Variants in GRIA4 observed in about 807,000 individuals in gnomAD.
The protein encoded by GRIA4 is glutamate ionotropic receptor AMPA type subunit 4, also known as glutamate receptor 4.
Under a neutral mutation model 104.0 loss-of-function variants are expected in GRIA4, and 34 were observed. That is an observed-to-expected ratio of 0.33 (90% CI 0.25 to 0.44). The LOEUF (loss-of-function observed/expected upper bound fraction) is 0.44. Among genes scored for constraint, GRIA4 ranks in the 20% least tolerant of loss-of-function variants. The pLI, the probability that GRIA4 is intolerant of heterozygous loss-of-function variation, is 1.00. For missense variants in GRIA4, 750 were observed against 1,096.5 expected (o/e 0.68, Z 4.46); for synonymous variants, 386 against 381.9 (o/e 1.01, Z -0.13).
intron 3 of GRIA4, among the ~76,000 whole-genome samples, chr11:105,664,488 A>C (rs1336564041): frequency 6.6e-6 from 1 of 151,816 alleles, no homozygotes. Flanking sequence ...GGAAAATGAC[A>C]TAATTTCATG....
In GRIA4 at chr11:105,760,141, T is replaced by C. The variant is rs557097201; in HGVS notation, c.487+6921T>C. Among the ~76,000 whole-genome samples, 6 of 152,266 alleles carry C rather than the reference T, an allele frequency of 3.9e-5. No homozygotes were observed. In the East Asian group the frequency reaches 1.2e-3, roughly 29 times the overall value. On this transcript the variant is annotated intron_variant, in intron 4 of 16. Coordinates refer to ENST00000282499, the MANE Select transcript of GRIA4 (RefSeq NM_000829.4). ...ATTATTTCAAGAGTGAATTAATGCTTCTTTTGGTTCATTGCTTCCTTGCTT... is the reference window on the plus strand; with the variant it reads ...ATTATTTCAAGAGTGAATTAATGCTCCTTTTGGTTCATTGCTTCCTTGCTT...
intron 3 of GRIA4, among the ~76,000 whole-genome samples, chr11:105,689,981 G>GT (rs1479134543): frequency 2.6e-5 from 4 of 152,206 alleles, no homozygotes; most frequent in Non-Finnish European, 4.4e-5. Context: ...TGGGCCACAA[G>GT]TTTTTAATTA....
At chr11:105,627,349 C>A (rs1950912966) in intron 3 of GRIA4, among the ~76,000 whole-genome samples, 1 of 151,752 alleles carries the variant, frequency 6.6e-6, no homozygotes, top group Non-Finnish European at 1.5e-5. Flanking sequence ...GACAGCACTG[C>A]GAGGCAGGGA....
At chr11:105,853,038 G>A (rs11226866) in intron 4 of GRIA4, among the ~76,000 whole-genome samples, 3 of 125,370 alleles carry the variant, frequency 2.4e-5, no homozygotes, top group East Asian at 4.7e-4. Flanking sequence ...TTTGAGTTTC[G>A]TTGCTAGTGA....
At chr11:105,932,712 C>T (rs1249800000) in intron 13 of GRIA4, among the ~76,000 whole-genome samples, 1 of 152,046 alleles carries the variant, frequency 6.6e-6, no homozygotes, top group Non-Finnish European at 1.5e-5. Flanking sequence ...ATAGGAATCA[C>T]TTCTCTTTAA....
intron 3 of GRIA4, among the ~76,000 whole-genome samples, chr11:105,633,307 C>T (rs1340493668): frequency 1.3e-5 from 2 of 152,152 alleles, no homozygotes; most frequent in Non-Finnish European, 2.9e-5. Flanking sequence ...CATATTTCTA[C>T]ATATTTATTT....
intron 3 of GRIA4, among the ~76,000 whole-genome samples, chr11:105,648,868 G>T (rs990057623): frequency 6.6e-6 from 1 of 152,080 alleles, no homozygotes; most frequent in Non-Finnish European, 1.5e-5. Context: ...AATTACTTTT[G>T]CACCAACCTA....
chr11:105,875,636 T>C (rs1189013529), intron 5 of GRIA4, among the ~76,000 whole-genome samples: 1 of 152,144 alleles, frequency 6.6e-6, no homozygotes, highest in African/African-American at 2.4e-5. Flanking sequence ...CCTGGTTTAG[T>C]CTTGGGAGGG....
At chr11:105,957,443 G>C (rs1799252580) in intron 14 of GRIA4, among the ~76,000 whole-genome samples, 1 of 152,108 alleles carries the variant, frequency 6.6e-6, no homozygotes, top group Admixed American at 6.5e-5. Context: ...TTATTTCTGA[G>C]GGCTCTGTTC....
intron 14 of GRIA4, among the ~76,000 whole-genome samples, chr11:105,955,489 T>C (rs1197039445): frequency 2.0e-5 from 3 of 152,264 alleles, no homozygotes; most frequent in South Asian, 4.1e-4. Context: ...TTCTGTGGTA[T>C]ATATGTACCA....
At chr11:105,948,590 T>TTTTTG in intron 14 of GRIA4, among the ~76,000 whole-genome samples, 3 of 124,642 alleles carry the variant, frequency 2.4e-5, no homozygotes, top group African/African-American at 9.2e-5. Flanking sequence ...TTTTCTTTTC[T>TTTTTG]TTTTGTTTTT....
At chr11:105,805,732 T>C (rs1357303371) in intron 4 of GRIA4, among the ~76,000 whole-genome samples, 1 of 151,872 alleles carries the variant, frequency 6.6e-6, no homozygotes, top group Admixed American at 6.6e-5. Context: ...ATCCCATCCA[T>C]AGACATTTCC....
intron 5 of GRIA4, among the ~76,000 whole-genome samples, chr11:105,886,497 C>A (rs1231278075): frequency 2.7e-5 from 4 of 150,492 alleles, no homozygotes; most frequent in African/African-American, 9.8e-5. Context: ...CCCACCCCCA[C>A]TACCCTTCCC....
In GRIA4 at chr11:105,981,553, T is replaced by TCTCACACACACA. The variant is rs373898605; in HGVS notation, c.*1815_*1816insTCACACACACAC. 1 of 134,020 alleles carries TCTCACACACACA rather than the reference T, an allele frequency of 7.5e-6. No homozygotes were observed. Among genetic ancestry groups the TCTCACACACACA allele is most frequent in the South Asian group, 2.6e-4 (1 of 3,866 alleles). The allele number at this position is 134,020 out of a possible 1,614,324, so 8.3% of individuals were successfully genotyped here. A position where few individuals can be genotyped will look rare whatever the true frequency, so the allele number is the denominator to read the frequency against. ...TAAGAGCAATCTTAAACAGTATAAATCACACACACACACACACACACACAC... is the reference window on the plus strand; with the variant it reads ...TAAGAGCAATCTTAAACAGTATAAATCTCACACACACACACACACACACACACACACACACAC... On this transcript the variant is annotated 3_prime_UTR_variant, in exon 17 of 17. Transcript: ENST00000282499.
chr11:105,823,960 A>T (rs1221204595), intron 4 of GRIA4, among the ~76,000 whole-genome samples: 1 of 152,118 alleles, frequency 6.6e-6, no homozygotes, highest in Admixed American at 6.6e-5. Flanking sequence ...GAATTTGGAC[A>T]TACAGAGACA....
At chr11:105,665,585 G>A (rs1462902159) in intron 3 of GRIA4, among the ~76,000 whole-genome samples, 2 of 151,962 alleles carry the variant, frequency 1.3e-5, no homozygotes, top group Non-Finnish European at 2.9e-5. Context: ...CAGAAAATAG[G>A]AAGCACAGGT....
chr11:105,970,711 G>A (rs1858640901), intron 14 of GRIA4, among the ~76,000 whole-genome samples: 1 of 152,138 alleles, frequency 6.6e-6, no homozygotes, highest in Non-Finnish European at 1.5e-5. Flanking sequence ...TTTCCTAGAA[G>A]AACTGAGGCG....
chr11:105,816,829 T>C (rs150939494), intron 4 of GRIA4, among the ~76,000 whole-genome samples: 2 of 152,042 alleles, frequency 1.3e-5, no homozygotes, highest in East Asian at 3.9e-4. Context: ...CTGGGCAACT[T>C]AGTGAGACCC....
chr11:105,769,667 C>T (rs1364115973), intron 4 of GRIA4, among the ~76,000 whole-genome samples: 2 of 151,906 alleles, frequency 1.3e-5, no homozygotes, highest in Admixed American at 6.6e-5. Context: ...GACGAAAGTT[C>T]GTCTTTCAGA....
Sources: allele counts gnomAD v4.1 joint callset (sites outside exome capture counted in the v4.1 genomes callset), GRCh38; gene constraint gnomAD v4.1.1; transcripts MANE v1.5; gene names NCBI Gene and HGNC (gene_info 2026-07-23, HGNC 2026-07-21).